The following EPB41L1 variants were observed in gnomAD, a reference collection of about 807,000 sequenced individuals.
The protein encoded by EPB41L1 is band 4.1-like protein 1.
A neutral mutation model predicts 97.8 loss-of-function variants in EPB41L1; 29 were observed. That is an observed-to-expected ratio of 0.30 (90% CI 0.22 to 0.40). The LOEUF is 0.40. Among genes scored for constraint, EPB41L1 ranks in the 10% least tolerant of loss-of-function variants. The pLI is 1.00. For synonymous variants in EPB41L1, 383 were observed against 459.2 expected, an observed-to-expected ratio of 0.83 and a Z score of 2.12; for missense variants, 812 against 1,162.3, an observed-to-expected ratio of 0.70 and a Z score of 4.38.
intron 15 of EPB41L1, among the ~76,000 whole-genome samples, chr20:36,211,048 G>T (rs191968190): frequency 2.3e-3 from 355 of 152,132 alleles, no homozygotes; most frequent in Non-Finnish European, 4.2e-3. Context: ...ACTCCAGCCC[G>T]GGCGACAGAG....
chr20:36,199,075 A>G (rs964414753), intron 14 of EPB41L1, among the ~76,000 whole-genome samples: 4 of 152,220 alleles, frequency 2.6e-5, no homozygotes, highest in Admixed American at 2.6e-4. Flanking sequence ...TAAAGAAAGC[A>G]TGTTTCAATC....
At chr20:36,107,057 G>A (rs1316734060) in intron 1 of EPB41L1, among the ~76,000 whole-genome samples, 1 of 151,816 alleles carries the variant, frequency 6.6e-6, no homozygotes, top group East Asian at 1.9e-4. Context: ...AATCCCAAAG[G>A]ATTTCAGGCA....
At chr20:36,198,961 T>C (rs905579614) in intron 14 of EPB41L1, among the ~76,000 whole-genome samples, 2 of 152,138 alleles carry the variant, frequency 1.3e-5, no homozygotes, top group Admixed American at 1.3e-4. Flanking sequence ...AACGAGATAA[T>C]GCACGTAGAG....
chr20:36,163,255 A>G (rs1199193103), intron 1 of EPB41L1, among the ~76,000 whole-genome samples: 1 of 151,926 alleles, frequency 6.6e-6, no homozygotes, highest in Non-Finnish European at 1.5e-5. Flanking sequence ...AGGGAAGGCT[A>G]TTGTTAACAT....
intron 21 of EPB41L1, among the ~76,000 whole-genome samples, chr20:36,224,330 G>T (rs568625036): frequency 1.8e-4 from 27 of 152,252 alleles, no homozygotes; most frequent in African/African-American, 6.3e-4. Context: ...GATACATCAG[G>T]TTAGGTAAAA....
intron 2 of EPB41L1, among the ~76,000 whole-genome samples, chr20:36,138,053 C>T (rs2059487292): frequency 6.6e-6 from 1 of 152,200 alleles, no homozygotes. Flanking sequence ...AATTCCCTTC[C>T]TTTCTAAAGC....
chr20:36,167,126 G>C (rs1474016220), intron 1 of EPB41L1, among the ~76,000 whole-genome samples: 2 of 152,092 alleles, frequency 1.3e-5, no homozygotes, highest in Non-Finnish European at 2.9e-5. Context: ...GGTGGTCAAG[G>C]GGCACACAGA....
chr20:36,174,200 G>A (rs1044560282), intron 2 of EPB41L1, among the ~76,000 whole-genome samples: 4 of 151,948 alleles, frequency 2.6e-5, no homozygotes, highest in African/African-American at 7.2e-5. Context: ...CAATCCTCCC[G>A]CCTCAGCCTC....
At chr20:36,138,972 T>G (rs1017290181) in intron 2 of EPB41L1, among the ~76,000 whole-genome samples, 1 of 152,168 alleles carries the variant, frequency 6.6e-6, no homozygotes, top group Non-Finnish European at 1.5e-5. Flanking sequence ...CCAAGAAGTT[T>G]TGTGAGTTGG....
At chr20:36,151,762 G>A (rs2752900), upstream of EPB41L1, 7,842 of 152,284 alleles carry the variant, frequency 0.051, 667 homozygotes, top group African/African-American at 0.18. Flanking sequence ...CTGTGTAAGC[G>A]TAACCTTGGG....
chr20:36,107,197 ATT>A (rs1269108098), intron 1 of EPB41L1, among the ~76,000 whole-genome samples: 9 of 146,298 alleles, frequency 6.2e-5, no homozygotes, highest in Non-Finnish European at 1.0e-4. Context: ...GGAAACTTAG[ATT>A]TGAGAATATA....
chr20:36,221,838 GACCTC>G (rs750302589), intron 19 of EPB41L1, 21 bp from the exon 20 acceptor site: 128 of 1,611,998 alleles, frequency 7.9e-5, no homozygotes, highest in Non-Finnish European at 3.2e-5. Context: ...ACCCAAGAGT[GACCTC>G]ACCTCCCTCT....
chr20:36,105,582 T>C (rs958993607), intron 1 of EPB41L1, among the ~76,000 whole-genome samples: 1 of 152,170 alleles, frequency 6.6e-6, no homozygotes, highest in Non-Finnish European at 1.5e-5. Context: ...ATGGAACTTA[T>C]GCCATCGCTT....
At chr20:36,108,161 G>A (rs1203818665) in intron 1 of EPB41L1, among the ~76,000 whole-genome samples, 1 of 151,498 alleles carries the variant, frequency 6.6e-6, no homozygotes, top group African/African-American at 2.4e-5. Flanking sequence ...TTTATTTTTT[G>A]TAGAGACAAG....
intron 14 of EPB41L1, among the ~76,000 whole-genome samples, chr20:36,205,695 T>C (rs907633876): frequency 2.0e-5 from 3 of 152,198 alleles, no homozygotes; most frequent in Non-Finnish European, 4.4e-5. Context: ...TGGCACGTCA[T>C]GCCTTCCTCT....
intron 2 of EPB41L1, among the ~76,000 whole-genome samples, chr20:36,115,968 A>G (rs1600382690): frequency 6.6e-6 from 1 of 152,188 alleles, no homozygotes; most frequent in Non-Finnish European, 1.5e-5. Flanking sequence ...TCCAGGGGAA[A>G]CTGAGGCTCA....
intron 1 of EPB41L1, among the ~76,000 whole-genome samples, chr20:36,159,851 G>A (rs1425994011): frequency 6.6e-6 from 1 of 152,200 alleles, no homozygotes; most frequent in Non-Finnish European, 1.5e-5. Context: ...TAGCTGTGAG[G>A]CAATTGGCAA....
At chr20:36,176,150 T>C (rs1171639988) in intron 3 of EPB41L1, among the ~76,000 whole-genome samples, 2 of 152,130 alleles carry the variant, frequency 1.3e-5, no homozygotes, top group Non-Finnish European at 2.9e-5. Context: ...ATCTCAAGTC[T>C]CCAGGACAAA....
In EPB41L1 at chr20:36,179,461, C is replaced by T. The variant is rs146591319; in HGVS notation, c.490+789C>T. ...GTCTTGAGGCCTGGTCTTCCAACAC[C>T]ATCCTGTGCTCTTTTCAAGGCCTGG... On this transcript the variant is annotated intron_variant, in intron 5 of 21. Coordinates refer to ENST00000338074, the MANE Select transcript of EPB41L1 (RefSeq NM_012156.2). Among the ~76,000 whole-genome samples, 1,314 of 152,352 alleles carry T rather than the reference C, an allele frequency of 8.6e-3. 27 individuals are homozygous for T. The highest frequency in any genetic ancestry group is 0.03 in the African/African-American group (1,231 of 41,574).
Sources: gnomAD v4.1 joint callset for allele counts (sites outside exome capture counted in the v4.1 genomes callset) on GRCh38, gnomAD v4.1.1 for gene constraint, MANE v1.5 for transcripts, NCBI Gene and HGNC (gene_info 2026-07-23, HGNC 2026-07-21) for gene names.